The following ELP1 variants were observed in gnomAD, a reference collection of about 807,000 sequenced individuals.
The protein encoded by ELP1 is elongator complex protein 1.
Under a neutral mutation model 183.2 loss-of-function variants are expected in ELP1, and 131 were observed. The observed-to-expected ratio is 0.72, with a 90% CI of 0.62 to 0.83. ELP1 has a LOEUF of 0.83. Ranked by LOEUF, ELP1 falls within the 40% of genes least tolerant of loss-of-function variation. ELP1 has a pLI of 0.00. For missense variants in ELP1, 1,550 were observed against 1,594.9 expected, an observed-to-expected ratio of 0.97 and a Z score of 0.48; for synonymous variants, 555 against 569.0, an observed-to-expected ratio of 0.98 and a Z score of 0.35.
rs766396794 is a variant in ELP1, at chr9:108,901,693, T to C, written c.1855-12A>G. On this transcript the variant is annotated splice_polypyrimidine_tract_variant and intron_variant, in intron 16 of 36. Transcript: ENST00000374647. Reference sequence around the variant, plus strand: ...CCAAGGACACATTCCTGCAAAGAAATAAAACTGAAATCACAAGCAATTCTA... The same window carrying C: ...CCAAGGACACATTCCTGCAAAGAAACAAAACTGAAATCACAAGCAATTCTA... 6 of 1,613,610 alleles carry C rather than the reference T, an allele frequency of 3.7e-6. No homozygotes were observed. Among genetic ancestry groups the C allele is most frequent in the Non-Finnish European group, 5.1e-6 (6 of 1,179,550 alleles).
intron 36 of ELP1, among the ~76,000 whole-genome samples, chr9:108,873,440 T>C (rs1252164077): frequency 6.6e-6 from 1 of 152,364 alleles, no homozygotes; most frequent in Non-Finnish European, 1.5e-5. Flanking sequence ...CCTTTTCCTA[T>C]ACATCCTTGA....
intron 12 of ELP1, among the ~76,000 whole-genome samples, chr9:108,909,223 T>C (rs188687306): frequency 1.2e-4 from 18 of 152,230 alleles, no homozygotes; most frequent in Admixed American, 3.3e-4. Flanking sequence ...GCTTAATTTT[T>C]CTCCACAGCA....
intron 22 of ELP1, 35 bp from the exon 23 acceptor site, chr9:108,897,320 G>C: frequency 6.2e-7 from 1 of 1,612,602 alleles, no homozygotes; most frequent in Non-Finnish European, 8.5e-7. Flanking sequence ...GTCATCAACA[G>C]AACATGTAGC....
At chr9:108,896,864 G>T in intron 24 of ELP1, 89 bp downstream of exon 24, 1 of 1,237,760 alleles carries the variant, frequency 8.1e-7, no homozygotes, top group Non-Finnish European at 1.2e-6. Context: ...TAAATCTGTG[G>T]TGTGGCAATG....
chr9:108,915,830 T>C lies in ELP1; in HGVS notation c.958+374A>G, dbSNP rs1050540027. ...CCCGCAACCAAACGCACATCAAAAA[T>C]ATGGTACTTGAGGAATGCAAAACCC... is the stretch of plus-strand genomic sequence containing the variant. On this transcript the variant is annotated intron_variant, in intron 10 of 36. Transcript: ENST00000374647. 7.9e-5 allele frequency among the ~76,000 whole-genome samples: 12 copies of C among 151,870 alleles called. No individual in the cohort carries two copies. The East Asian group carries it at 1.9e-3, about 24-fold the overall frequency.
chr9:108,897,263 T>A lies in ELP1; in HGVS notation c.2386A>T (p.Met796Leu). ...ELKEEDVTKTMYPAPVTSSVY... is the reference protein window; with the variant it reads ...ELKEEDVTKTLYPAPVTSSVY... Reference sequence around the variant, plus strand: ...CTGCTGGTAACTGGTGCAGGGTACATGGTCTTCGTGACATCTTCTTCTCTA... The same window carrying A: ...CTGCTGGTAACTGGTGCAGGGTACAAGGTCTTCGTGACATCTTCTTCTCTA... Residue 796 changes from methionine (M) to leucine (L), a missense_variant, in exon 23 of 37, where the codon ATG becomes TTG. By Grantham distance (15) the Met-to-Leu change is conservative. Transcript: ENST00000374647. The A allele has an allele frequency of 1.2e-6, 2 of 1,614,162 alleles. No individual in the cohort carries two copies. The highest frequency in any genetic ancestry group is 1.7e-6 in the Non-Finnish European group (2 of 1,180,020).
chr9:108,874,819 G>A lies in ELP1; in HGVS notation c.3931+76C>T, dbSNP rs1370638144. ...ATTGTATCCAATCTCTCCTTATACT[G>A]CTGATCTTCTCAATACTTACAGAAA... On this transcript the variant is annotated intron_variant, in intron 36 of 36. Transcript: ENST00000374647. 27 of 1,004,896 alleles carry A rather than the reference G, an allele frequency of 2.7e-5. No individual in the cohort carries two copies. The South Asian group carries it at 2.9e-4, about 11-fold the overall frequency. 62.2% of individuals were successfully genotyped at this position (1,004,896 alleles called of 1,614,324 possible).
rs969266362 is a variant in ELP1, at chr9:108,906,383, C to G, written c.1563G>C (p.Glu521Asp). 6.2e-7 allele frequency: 1 copy of G among 1,614,104 alleles called. No individual in the cohort carries two copies. The highest frequency in any genetic ancestry group is 2.2e-5 in the East Asian group (1 of 44,880). Residue 521 changes from glutamate to aspartate, a missense_variant, in exon 14 of 37, where the codon GAG (glutamate) becomes GAC (aspartate). Transcript: ENST00000374647. ...EDVFLAVSHS[E>D]FSPRSVIHHL... ...GGTGAATGACAGACCGGGGGCTGAA[C>G]TCACTGTGGCTTACAGCCAGGAAGA...
chr9:108,900,858 CCACACACA>C (rs1228333034), intron 18 of ELP1, among the ~76,000 whole-genome samples: 2 of 16,146 alleles, frequency 1.2e-4, no homozygotes, highest in African/African-American at 2.9e-4. Flanking sequence ...CACATACACG[CCACACACA>C]CATACACGCC....
chr9:108,891,367 T>A lies in ELP1; in HGVS notation c.2996A>T (p.Glu999Val). 1 of 1,614,000 alleles carries A rather than the reference T, an allele frequency of 6.2e-7. No individual in the cohort carries two copies. Among genetic ancestry groups the A allele is most frequent in the Non-Finnish European group, 8.5e-7 (1 of 1,180,022 alleles). The change falls in exon 28 of 37, where the codon GAG becomes GTG. Residue 999 changes from glutamate (E) to valine (V), a missense_variant. Physicochemically the swap from Glu to Val is moderately radical, Grantham distance 121 (BLOSUM62 -2). Transcript: ENST00000374647. ...GAGCCCCGCTGGCTCATACATGTGC[T>A]CCTGCATCAGGTGCTCCCCATAAGC... ...SIAYGEHLMQ[E>V]HMYEPAGLMF...
rs1411690049 is a variant in ELP1 at position 108,917,669 on chromosome 9, G to T, written c.742C>A (p.Pro248Thr). Reference sequence around the variant, plus strand: ...GTAGATGCAATCAAACTGCCTGAGGGTCTTAAAGCAAACTCAGAGTGTTAC... The same window carrying T: ...GTAGATGCAATCAAACTGCCTGAGGTTCTTAAAGCAAACTCAGAGTGTTAC... ...AGLGPALAWK[P>T]SGSLIASTQD... Residue 248 changes from proline (P) to threonine (T), a missense_variant and splice_region_variant, in exon 9 of 37, where the codon CCC becomes ACC. Transcript: ENST00000374647. 1 of 1,610,966 alleles carries T rather than the reference G, an allele frequency of 6.2e-7. No homozygotes were observed. The highest frequency in any genetic ancestry group is 8.5e-7 in the Non-Finnish European group (1 of 1,178,870).
At chr9:108,930,006 T>C (rs749512158) in intron 2 of ELP1, 85 bp from the exon 3 acceptor site, 3 of 1,451,450 alleles carry the variant, frequency 2.1e-6, no homozygotes, top group South Asian at 1.2e-5. Context: ...TTTTTAATGC[T>C]TCTTTTATTA....
chr9:108,895,537 G>A (rs758234156), intron 25 of ELP1, among the ~76,000 whole-genome samples: 2 of 152,010 alleles, frequency 1.3e-5, no homozygotes, highest in Admixed American at 6.5e-5. Context: ...TCCATGGGCA[G>A]AGGAAAAAAA....
chr9:108,913,675 T>C (rs1829318434), intron 10 of ELP1, among the ~76,000 whole-genome samples: 1 of 151,772 alleles, frequency 6.6e-6, no homozygotes, highest in Admixed American at 6.6e-5. Flanking sequence ...TGAGATGGAG[T>C]CTCACTCTGT....
At chr9:108,932,205 T>C (rs1830022590) in intron 1 of ELP1, among the ~76,000 whole-genome samples, 2 of 151,240 alleles carry the variant, frequency 1.3e-5, no homozygotes, top group Non-Finnish European at 1.5e-5. Flanking sequence ...ATAGGAATTA[T>C]ATAATATATA....
chr9:108,932,858 T>C (rs180905952), intron 1 of ELP1, among the ~76,000 whole-genome samples: 76 of 152,252 alleles, frequency 5.0e-4, no homozygotes, highest in African/African-American at 1.8e-3. Flanking sequence ...CCTCCACTGA[T>C]TCAAACTCTT....
Position 108,906,363 on chromosome 9 carries a change from A to G in ELP1, c.1583T>C (p.Ile528Thr), listed in dbSNP as rs1185699166. ...AGAAGAAGCTGCAGTCAAATGGTGAATGACAGACCGGGGGCTGAACTCACT... is the reference window on the plus strand; with the variant it reads ...AGAAGAAGCTGCAGTCAAATGGTGAGTGACAGACCGGGGGCTGAACTCACT... ...SHSEFSPRSV[I>T]HHLTAASSEM... The change falls in exon 14 of 37, where the codon ATT (isoleucine) becomes ACT (threonine). Residue 528 changes from isoleucine (I) to threonine (T), a missense_variant. Ile to Thr is a moderately conservative substitution (Grantham distance 89). Transcript: ENST00000374647. 6.2e-7 allele frequency: 1 copy of G among 1,614,000 alleles called. No individual in the cohort carries two copies.
At chr9:108,928,403 A>G (rs1829887214) in intron 3 of ELP1, among the ~76,000 whole-genome samples, 1 of 152,214 alleles carries the variant, frequency 6.6e-6, no homozygotes, top group African/African-American at 2.4e-5. Context: ...AGGGAATGAC[A>G]AGTGGCCCAA....
intron 4 of ELP1, 92 bp downstream of exon 4, chr9:108,927,280 T>A: frequency 9.9e-7 from 1 of 1,008,984 alleles, no homozygotes; most frequent in Non-Finnish European, 1.6e-6. Context: ...AAGAAATTTT[T>A]TGAAATTCAA....
Sources: gnomAD v4.1 joint callset for allele counts (sites outside exome capture counted in the v4.1 genomes callset) on GRCh38, gnomAD v4.1.1 for gene constraint, MANE v1.5 for transcripts, NCBI Gene and HGNC (gene_info 2026-07-23, HGNC 2026-07-21) for gene names.